Variants in FGF12 observed in about 807,000 individuals in gnomAD.
FGF12 encodes fibroblast growth factor 12, also known as fibroblast growth factor 12B.
FGF12 carries 14 observed loss-of-function variants against 23.6 expected under a neutral mutation model. The ratio of observed to expected loss-of-function variants is 0.59; its 90% CI spans 0.39 to 0.93. The LOEUF (loss-of-function observed/expected upper bound fraction) is 0.93. FGF12 is among the 40% of genes least tolerant of loss of function. FGF12 has a pLI of 0.00. For missense variants in FGF12, 175 were observed against 217.8 expected (o/e 0.80, Z 1.24); for synonymous variants, 62 against 77.3 (o/e 0.80, Z 1.04).
At chr3:192,600,986 G>A (rs1217293997) in intron 2 of FGF12, among the ~76,000 whole-genome samples, 2 of 152,032 alleles carry the variant, frequency 1.3e-5, no homozygotes, top group African/African-American at 4.8e-5. Context: ...ATATCAAAGA[G>A]ACATCTGCAC....
At chr3:192,167,767 ATAAAAT>A (rs1319447444) in intron 5 of FGF12, among the ~76,000 whole-genome samples, 440 of 29,326 alleles carry the variant, frequency 0.015, 47 homozygotes, top group African/African-American at 0.041. Context: ...ATATATATAT[ATAAAAT>A]TTTTTTTTTT....
intron 4 of FGF12, among the ~76,000 whole-genome samples, chr3:192,305,245 C>T (rs970188794): frequency 6.6e-6 from 1 of 152,078 alleles, no homozygotes; most frequent in African/African-American, 2.4e-5. Flanking sequence ...TATGTCACCT[C>T]TTAGTCCTTA....
At chr3:192,430,384 G>A (rs911643717) in intron 2 of FGF12, among the ~76,000 whole-genome samples, 1 of 152,182 alleles carries the variant, frequency 6.6e-6, no homozygotes, top group Non-Finnish European at 1.5e-5. Context: ...GGGAATAGCT[G>A]TTCGGTGGGT....
At chr3:192,516,407 A>G (rs1724668243) in intron 2 of FGF12, 1 of 152,238 alleles carries the variant, frequency 6.6e-6, no homozygotes, top group African/African-American at 2.4e-5. Flanking sequence ...GCTGCCTAGC[A>G]CTAACTGGTT....
intron 2 of FGF12, among the ~76,000 whole-genome samples, chr3:192,487,318 G>A (rs1723665857): frequency 6.6e-6 from 1 of 152,062 alleles, no homozygotes; most frequent in Admixed American, 6.6e-5. Context: ...TAAAGACTAT[G>A]CCAACTTGAT....
intron 4 of FGF12, among the ~76,000 whole-genome samples, chr3:192,227,634 A>G (rs1483504107): frequency 6.6e-6 from 1 of 152,018 alleles, no homozygotes; most frequent in South Asian, 2.1e-4. Flanking sequence ...CACCATAGTA[A>G]GTGAGCAAGA....
chr3:192,368,535 G>A lies in FGF12; in HGVS notation c.14-7997C>T, dbSNP rs78579301. Among the ~76,000 whole-genome samples, 1,038 of 152,228 alleles carry A rather than the reference G, an allele frequency of 6.8e-3. 9 individuals carry two copies. The highest frequency in any genetic ancestry group is 0.024 in the African/African-American group (995 of 41,532). On this transcript the variant is annotated intron_variant, in intron 2 of 5. Transcript: ENST00000445105. The stretch of plus-strand genomic sequence containing the variant: ...CAGAAATACATTCCAGGAGCAGGGA[G>A]CAGCAAGTATAAAGCAATCCTAATA...
At chr3:192,415,146 C>A (rs995198122) in intron 2 of FGF12, among the ~76,000 whole-genome samples, 1 of 152,046 alleles carries the variant, frequency 6.6e-6, no homozygotes. Context: ...CTTATACCAC[C>A]TAGGAGATGG....
At chr3:192,641,392 A>C (rs1016982229) in intron 2 of FGF12, among the ~76,000 whole-genome samples, 1 of 42,344 alleles carries the variant, frequency 2.4e-5, no homozygotes, top group Non-Finnish European at 5.2e-5. Context: ...GGCGTGAGCC[A>C]CCGCGCCCGG....
At chr3:192,422,510 A>G (rs1721564438) in intron 2 of FGF12, among the ~76,000 whole-genome samples, 1 of 152,152 alleles carries the variant, frequency 6.6e-6, no homozygotes, top group African/African-American at 2.4e-5. Flanking sequence ...AGATTCCCTC[A>G]GTCCCCAGAA....
At chr3:192,144,305 C>T (rs972935788) in intron 5 of FGF12, among the ~76,000 whole-genome samples, 178 bp from the exon 6 acceptor site, 2 of 152,142 alleles carry the variant, frequency 1.3e-5, no homozygotes, top group African/African-American at 2.4e-5. Context: ...TCAGTTCTTT[C>T]AGTCACAACC....
At chr3:192,203,657 T>A (rs1717494968) in intron 4 of FGF12, among the ~76,000 whole-genome samples, 1 of 151,088 alleles carries the variant, frequency 6.6e-6, no homozygotes, top group Non-Finnish European at 1.5e-5. Flanking sequence ...CAGCCTTGAC[T>A]TCCTGGGCTC....
At chr3:192,511,974 T>C (rs1192767080) in intron 2 of FGF12, among the ~76,000 whole-genome samples, 2 of 152,212 alleles carry the variant, frequency 1.3e-5, no homozygotes, top group East Asian at 3.8e-4. Flanking sequence ...TTAGTACTAT[T>C]CATTTAATAA....
In FGF12 at chr3:192,143,895, T is replaced by C. The variant is rs1713544073; in HGVS notation, c.*114A>G. On this transcript the variant is annotated 3_prime_UTR_variant, in exon 6 of 6. Transcript: ENST00000445105. ...AGTGCAGAATCTTAGCCACTAGGTC[T>C]TGCGTTGTCATTTTATTTTCCTCTC... The C allele has an allele frequency of 5.7e-6, 4 of 707,262 alleles. No homozygotes were observed. The highest frequency in any genetic ancestry group is 1.0e-5 in the Non-Finnish European group (4 of 399,380). 43.8% of individuals were successfully genotyped at this position (707,262 alleles called of 1,614,324 possible). A position where few individuals can be genotyped will look rare whatever the true frequency, so the allele number is the denominator to read the frequency against.
chr3:192,268,688 T>C (rs1713235357), intron 4 of FGF12: 2 of 449,622 alleles, frequency 4.4e-6, no homozygotes, highest in African/African-American at 4.0e-5. Context: ...GTAAGCTTCC[T>C]GAGGCTTCCC....
chr3:192,252,148 C>T (rs779129932), intron 4 of FGF12, among the ~76,000 whole-genome samples: 16 of 151,744 alleles, frequency 1.1e-4, no homozygotes, highest in Admixed American at 3.9e-4. Context: ...CTCTAGGATG[C>T]GAAATATTCA....
chr3:192,246,693 T>C (rs1711591339), intron 4 of FGF12, among the ~76,000 whole-genome samples: 1 of 151,228 alleles, frequency 6.6e-6, no homozygotes, highest in African/African-American at 2.4e-5. Flanking sequence ...GGTGCAGTGG[T>C]GGACGCCTGT....
intron 2 of FGF12, among the ~76,000 whole-genome samples, chr3:192,485,976 T>C (rs901393838): frequency 6.6e-6 from 1 of 152,140 alleles, no homozygotes; most frequent in Non-Finnish European, 1.5e-5. Context: ...GCCATATACG[T>C]GCATATATAA....
intron 2 of FGF12, among the ~76,000 whole-genome samples, chr3:192,610,110 T>C (rs1178768904): frequency 6.6e-6 from 1 of 152,078 alleles, no homozygotes; most frequent in East Asian, 1.9e-4. Flanking sequence ...TTTCAGTCTT[T>C]GAACATTCAA....
Sources: allele counts gnomAD v4.1 joint callset (sites outside exome capture counted in the v4.1 genomes callset), GRCh38; gene constraint gnomAD v4.1.1; transcripts MANE v1.5; gene names NCBI Gene and HGNC (gene_info 2026-07-23, HGNC 2026-07-21).